Variants in ZFHX4 observed in about 807,000 individuals in gnomAD.
ZFHX4 encodes the protein zinc finger homeobox protein 4.
ZFHX4 carries 56 observed loss-of-function variants against 267.6 expected under a neutral mutation model. That is an observed-to-expected ratio of 0.21 (90% CI 0.17 to 0.26). The LOEUF is 0.26. ZFHX4 is among the 10% of genes least tolerant of loss of function. The pLI, the probability that ZFHX4 is intolerant of heterozygous loss-of-function variation, is 1.00. For missense variants in ZFHX4, 4,332 were observed against 4,420.0 expected (o/e 0.98, Z 0.56); for synonymous variants, 1,778 against 1,665.6 (o/e 1.07, Z -1.64).
At chr8:76,762,491 T>C (rs914063772) in intron 3 of ZFHX4, among the ~76,000 whole-genome samples, 1 of 152,196 alleles carries the variant, frequency 6.6e-6, no homozygotes. Context: ...TTTAAAAATG[T>C]ATAATACTAG....
chr8:76,778,309 T>C lies in ZFHX4; in HGVS notation c.3195T>C (p.His1065=), dbSNP rs1363731177. 3 of 1,613,840 alleles carry C rather than the reference T, an allele frequency of 1.9e-6. No homozygotes were observed. Among genetic ancestry groups the C allele is most frequent in the Non-Finnish European group, 2.5e-6 (3 of 1,179,790 alleles). The part of the protein sequence containing the change: ...TTKVKLNLVQ[H]VRSVKHQQTE... ...AGGTCAAGTTGAATCTGGTACAACA[T>C]GTCCGTTCGGTGAAGCATCAGCAGA... Residue 1065 remains histidine, a synonymous_variant, in exon 4 of 11, where the codon CAT becomes CAC. Transcript: ENST00000651372.
intron 4 of ZFHX4, among the ~76,000 whole-genome samples, chr8:76,829,833 T>A (rs1441989438): frequency 6.6e-6 from 1 of 152,062 alleles, no homozygotes; most frequent in East Asian, 1.9e-4. Context: ...ATGGGAACCT[T>A]AAACATTTTG....
At position 76,854,691 on chromosome 8, in the gene ZFHX4, C is replaced by T. The variant is rs543313918; in HGVS notation, c.7770C>T (p.Cys2590=). The change falls in exon 10 of 11, where the codon TGC becomes TGT. Residue 2590 remains cysteine (C), a synonymous_variant. Transcript: ENST00000651372. ...RKLDDKEDNN[C]SEKEGGNSGE... ...TAGACGATAAAGAAGATAATAATTGCAGTGAAAAAGAAGGAGGGAATAGCG... is the reference window on the plus strand; with the variant it reads ...TAGACGATAAAGAAGATAATAATTGTAGTGAAAAAGAAGGAGGGAATAGCG... 6.2e-7 allele frequency: 1 copy of T among 1,613,540 alleles called. No individual in the cohort carries two copies. The highest frequency in any genetic ancestry group is 1.3e-5 in the African/African-American group (1 of 74,932).
chr8:76,829,809 A>T (rs1231181534), intron 4 of ZFHX4, among the ~76,000 whole-genome samples: 3 of 151,872 alleles, frequency 2.0e-5, no homozygotes, highest in Non-Finnish European at 4.4e-5. Flanking sequence ...ACAGAGCGAG[A>T]CTCCATTTAA....
At chr8:76,692,391 T>G (rs1219304433) in intron 1 of ZFHX4, among the ~76,000 whole-genome samples, 1 of 152,170 alleles carries the variant, frequency 6.6e-6, no homozygotes, top group African/African-American at 2.4e-5. Context: ...CATTTTCATA[T>G]GCCAAGAAAG....
chr8:76,701,207 TA>T (rs1808094493), intron 1 of ZFHX4, among the ~76,000 whole-genome samples: 2 of 152,068 alleles, frequency 1.3e-5, no homozygotes. Flanking sequence ...AGCAACAAAA[TA>T]AAAATTTTAA....
At chr8:76,774,673 T>G (rs1003093596) in intron 3 of ZFHX4, among the ~76,000 whole-genome samples, 1 of 152,118 alleles carries the variant, frequency 6.6e-6, no homozygotes, top group African/African-American at 2.4e-5. Flanking sequence ...TTGAAATTTA[T>G]GATTTTTAAA....
At chr8:76,784,978 A>G (rs961209795) in intron 4 of ZFHX4, among the ~76,000 whole-genome samples, 9 of 152,086 alleles carry the variant, frequency 5.9e-5, no homozygotes, top group Non-Finnish European at 1.0e-4. Context: ...GCTAATATTA[A>G]TTAGATCTCT....
intron 4 of ZFHX4, among the ~76,000 whole-genome samples, chr8:76,828,477 A>AT (rs889950928): frequency 3.9e-5 from 6 of 152,182 alleles, no homozygotes; most frequent in South Asian, 4.1e-4. Context: ...AAACACAGTG[A>AT]TTTTTTGCTG....
intron 3 of ZFHX4, among the ~76,000 whole-genome samples, chr8:76,726,154 G>GT (rs537144263): frequency 5.2e-4 from 77 of 147,064 alleles, no homozygotes; most frequent in Middle Eastern, 3.5e-3. Context: ...TTTTAAATAA[G>GT]TTTTTTTTTT....
At chr8:76,695,961 T>G (rs1807944619) in intron 1 of ZFHX4, among the ~76,000 whole-genome samples, 1 of 152,236 alleles carries the variant, frequency 6.6e-6, no homozygotes, top group Non-Finnish European at 1.5e-5. Flanking sequence ...AAACTTTAAT[T>G]AACTCTTATT....
rs753855794 is a variant in ZFHX4, at chr8:76,853,843, A to G, written c.6922A>G (p.Ser2308Gly). Residue 2308 changes from serine to glycine, a missense_variant, in exon 10 of 11, where the codon AGC (serine) becomes GGC (glycine). By Grantham distance (56) the Ser-to-Gly change is moderately conservative. Coordinates refer to ENST00000651372, the MANE Select transcript of ZFHX4 (RefSeq NM_024721.5). The part of the protein sequence containing the change: ...ELTNERYIRT[S>G]NMQYQCKKCN... ...CACTAATGAACGGTACATTCGAACAAGCAACATGCAGTACCAGTGTAAAAA... is the reference window on the plus strand; with the variant it reads ...CACTAATGAACGGTACATTCGAACAGGCAACATGCAGTACCAGTGTAAAAA... 4.3e-6 allele frequency: 7 copies of G among 1,613,940 alleles called. No homozygotes were observed. The highest frequency in any genetic ancestry group is 5.9e-6 in the Non-Finnish European group (7 of 1,179,876).
At position 76,863,200 on chromosome 8, in the gene ZFHX4, A is replaced by G. The variant is rs774212944; in HGVS notation, c.9486A>G (p.Pro3162=). Residue 3162 remains proline, a synonymous_variant, in exon 11 of 11, where the codon CCA becomes CCG. Coordinates refer to ENST00000651372, the MANE Select transcript of ZFHX4 (RefSeq NM_024721.5). ...CCACCAAACCTTTGCTGCAGACTCC[A>G]CCACCTCCACCACCTCCTCCTCCTC... The part of the protein sequence containing the change: ...SAPTKPLLQT[P]PPPPPPPPPP... 6.4e-7 allele frequency: 1 copy of G among 1,566,180 alleles called. No homozygotes were observed. Among genetic ancestry groups the G allele is most frequent in the Non-Finnish European group, 8.7e-7 (1 of 1,155,154 alleles).
intron 3 of ZFHX4, among the ~76,000 whole-genome samples, chr8:76,751,282 A>G (rs1041751651): frequency 2.0e-5 from 3 of 152,140 alleles, no homozygotes; most frequent in Non-Finnish European, 4.4e-5. Flanking sequence ...TGAATTGTCT[A>G]GTTGTTTATA....
intron 3 of ZFHX4, among the ~76,000 whole-genome samples, chr8:76,713,565 T>C (rs1436455266): frequency 6.6e-6 from 1 of 152,224 alleles, no homozygotes; most frequent in Non-Finnish European, 1.5e-5. Flanking sequence ...TGCTCTTTTC[T>C]GTTTTCCTGA....
intron 3 of ZFHX4, among the ~76,000 whole-genome samples, chr8:76,722,810 T>G (rs16939339): frequency 0.038 from 5,832 of 152,150 alleles, 129 homozygotes; most frequent in East Asian, 0.1. Flanking sequence ...TTGCGTTTTG[T>G]ACTTGGAGAT....
Position 76,704,685 on chromosome 8 carries a change from A to G in ZFHX4, c.597A>G (p.Ser199=), listed in dbSNP as rs191883247. The G allele has an allele frequency of 1.2e-6, 2 of 1,613,992 alleles. No individual in the cohort carries two copies. Among genetic ancestry groups the G allele is most frequent in the Admixed American group, 3.3e-5 (2 of 60,024 alleles). The change falls in exon 2 of 11, where the codon TCA becomes TCG. Residue 199 remains serine, a synonymous_variant. Coordinates refer to ENST00000651372, the MANE Select transcript of ZFHX4 (RefSeq NM_024721.5). The part of the protein sequence containing the change: ...PQIINTFHIA[S]SLGKPFTADQ... Reference sequence around the variant, plus strand: ...TCATCAACACTTTTCATATCGCTTCATCCCTCGGGAAACCATTTACAGCCG... The same window carrying G: ...TCATCAACACTTTTCATATCGCTTCGTCCCTCGGGAAACCATTTACAGCCG...
rs1219011004 is a variant in ZFHX4, at chr8:76,736,358, G to A, written c.3093+28310G>A. On this transcript the variant is annotated intron_variant, in intron 3 of 10. Transcript: ENST00000651372. ...GAATTTTTATTAATAAAATTAGTTA[G>A]TGTATTTCTGACCAAGTTTACTTTG... Among the ~76,000 whole-genome samples the A allele has an allele frequency of 3.3e-5, 5 of 151,980 alleles. No individual in the cohort carries two copies. In the East Asian group the frequency reaches 9.7e-4, roughly 29 times the overall value.
chr8:76,697,511 GA>G (rs1437074889), intron 1 of ZFHX4, among the ~76,000 whole-genome samples: 18 of 152,050 alleles, frequency 1.2e-4, no homozygotes, highest in African/African-American at 4.1e-4. Context: ...TATAACATAT[GA>G]AAAACATGGT....
Sources: allele counts gnomAD v4.1 joint callset (sites outside exome capture counted in the v4.1 genomes callset), GRCh38; gene constraint gnomAD v4.1.1; transcripts MANE v1.5; gene names NCBI Gene and HGNC (gene_info 2026-07-23, HGNC 2026-07-21).